CSMD2: variants seen among roughly 807,000 people sequenced by gnomAD.
CSMD2 encodes CUB and Sushi multiple domains 2, also known as CUB and sushi domain-containing protein 2.
CSMD2 carries 130 observed loss-of-function variants against 398.5 expected under a neutral mutation model. The ratio of observed to expected loss-of-function variants is 0.33; its 90% confidence interval spans 0.28 to 0.38. The LOEUF (loss-of-function observed/expected upper bound fraction) is 0.38. Among genes scored for constraint, CSMD2 ranks in the 10% least tolerant of loss-of-function variants. CSMD2 has a pLI of 1.00. For synonymous variants in CSMD2, 1,828 were observed against 1,908.5 expected (o/e 0.96, Z 1.10); for missense variants, 3,829 against 4,764.9 (o/e 0.80, Z 5.78).
chr1:33,768,569 TGTGTGTG>T (rs1650851663), intron 13 of CSMD2, among the ~76,000 whole-genome samples: 1 of 145,358 alleles, frequency 6.9e-6, no homozygotes, highest in Non-Finnish European at 1.5e-5. Flanking sequence ...TGTGTGTGTG[TGTGTGTG>T]TGTCACCAGA....
intron 2 of CSMD2, among the ~76,000 whole-genome samples, chr1:34,087,716 ACATGTTAGATATTTCCATGCCTGCCTCC>A (rs1166671511): frequency 6.6e-6 from 1 of 151,920 alleles, no homozygotes; most frequent in Non-Finnish European, 1.5e-5. Flanking sequence ...ATAGGACCAG[ACATGTTAGATATTTCCATGCCTGCCTCC>A]CCATTAGCAT....
intron 5 of CSMD2, among the ~76,000 whole-genome samples, chr1:33,876,468 A>G (rs1014278194): frequency 6.6e-6 from 1 of 152,234 alleles, no homozygotes; most frequent in Non-Finnish European, 1.5e-5. Flanking sequence ...AAGACATGGC[A>G]TAAAGAACTT....
At chr1:33,615,418 C>T (rs932393554) in intron 39 of CSMD2, among the ~76,000 whole-genome samples, 4 of 152,172 alleles carry the variant, frequency 2.6e-5, no homozygotes, top group Non-Finnish European at 5.9e-5. Context: ...CAGGTCCAGG[C>T]AAGTGCTTTC....
rs572648833 is a variant in CSMD2 at position 33,704,785 on chromosome 1, G to A, written c.3577-4112C>T. 9.2e-5 allele frequency among the ~76,000 whole-genome samples: 14 copies of A among 152,168 alleles called. No homozygotes were observed. The South Asian group carries it at 1.5e-3, about 16-fold the overall frequency. Reference sequence around the variant, plus strand: ...TGTTTGCTTGTTTGTTTTTTGAGACGGAGTCTCTCTCTGTCACCCAGGCTG... The same window carrying A: ...TGTTTGCTTGTTTGTTTTTTGAGACAGAGTCTCTCTCTGTCACCCAGGCTG... On this transcript the variant is annotated intron_variant, in intron 22 of 70. Transcript: ENST00000373381.
At position 33,633,682 on chromosome 1, in the gene CSMD2, A is replaced by G. The variant is rs1642612048; in HGVS notation, c.5087-147T>C. The G allele has an allele frequency of 2.4e-5, 15 of 630,796 alleles. No homozygotes were observed. The East Asian group carries it at 3.6e-4, about 15-fold the overall frequency. The allele number at this position is 630,796 out of a possible 1,614,324, so 39.1% of individuals were successfully genotyped here. A position where few individuals can be genotyped will look rare whatever the true frequency, so the allele number is the denominator to read the frequency against. On this transcript the variant is annotated intron_variant, in intron 31 of 70. Transcript: ENST00000373381. The surrounding 1 kb of genome is among the most constrained non-coding windows in gnomAD (Gnocchi z 5.0). ...TGTGGCTTGCTGCACTGGTTAGTGC[A>G]GTGGCACAGTCTGGCAGTGGCCAGA...
chr1:34,074,032 A>C (rs1656041291), intron 2 of CSMD2, among the ~76,000 whole-genome samples: 1 of 152,226 alleles, frequency 6.6e-6, no homozygotes, highest in South Asian at 2.1e-4. Flanking sequence ...AGATCTCATG[A>C]GAACTCACTC....
chr1:33,693,086 A>C (rs781463310), intron 24 of CSMD2, 30 bp from the exon 25 acceptor site: 2 of 1,573,514 alleles, frequency 1.3e-6, no homozygotes, highest in African/African-American at 1.4e-5. Flanking sequence ...AGTGAGCTTC[A>C]TGGGGTGGCC....
At chr1:33,688,869 T>G (rs2149087584) in intron 25 of CSMD2, among the ~76,000 whole-genome samples, 1 of 152,268 alleles carries the variant, frequency 6.6e-6, no homozygotes, top group East Asian at 1.9e-4. Flanking sequence ...TCTATAAAGA[T>G]ATTTCTAATA....
At chr1:33,955,236 T>C (rs960619440) in intron 3 of CSMD2, among the ~76,000 whole-genome samples, 15 of 152,172 alleles carry the variant, frequency 9.9e-5, no homozygotes, top group Admixed American at 3.3e-4. Flanking sequence ...TTTTGTTTTA[T>C]CTTATTTTCC....
intron 10 of CSMD2, among the ~76,000 whole-genome samples, chr1:33,806,518 A>AC (rs1656247887): frequency 6.6e-6 from 1 of 152,244 alleles, no homozygotes; most frequent in African/African-American, 2.4e-5. Context: ...ATCAAACAAT[A>AC]TAAAACAAAG....
chr1:33,726,695 C>A lies in CSMD2; in HGVS notation c.2369-10G>T, dbSNP rs570402738. On this transcript the variant is annotated splice_polypyrimidine_tract_variant and intron_variant, in intron 15 of 70. Transcript: ENST00000373381. ...TGACCACCACAGGGAGCTGGGGGGA[C>A]AGAAGGAAGAGAGGCAGCTTTCTTC... is the stretch of plus-strand genomic sequence containing the variant. The A allele has an allele frequency of 4.4e-6, 7 of 1,603,436 alleles. No homozygotes were observed. The African/African-American group carries it at 9.4e-5, about 21-fold the overall frequency.
rs1646095247 is a variant in CSMD2, at chr1:33,979,692, G to A, written c.518-43738C>T. Among the ~76,000 whole-genome samples, 3 of 140,320 alleles carry A rather than the reference G, an allele frequency of 2.1e-5. No homozygotes were observed. In the South Asian group the frequency reaches 6.6e-4, roughly 31 times the overall value. The allele number at this position is 140,320 out of a possible 152,430, so 92.1% of individuals were successfully genotyped here. On this transcript the variant is annotated intron_variant, in intron 3 of 70. Coordinates refer to ENST00000373381, the MANE Select transcript of CSMD2 (RefSeq NM_001281956.2). ...GCCTTCACTGGAAAAGCTTGTGTGT[G>A]TTTTATGTGTGTGTGTGTACTTTTG... is the stretch of plus-strand genomic sequence containing the variant.
intron 5 of CSMD2, among the ~76,000 whole-genome samples, chr1:33,848,781 T>C (rs1185150121): frequency 3.3e-5 from 5 of 151,382 alleles, no homozygotes; most frequent in African/African-American, 1.2e-4. Flanking sequence ...GTCATTTAAG[T>C]TTTCTAAGGA....
intron 50 of CSMD2, 88 bp from the exon 51 acceptor site, chr1:33,571,814 C>A: frequency 1.0e-6 from 1 of 978,972 alleles, no homozygotes; most frequent in Non-Finnish European, 1.4e-6. Context: ...GACTTGGAGA[C>A]CTTAATGCAA....
intron 12 of CSMD2, among the ~76,000 whole-genome samples, chr1:33,773,139 A>G (rs571574138): frequency 6.6e-6 from 1 of 152,314 alleles, no homozygotes; most frequent in South Asian, 2.1e-4. Context: ...ACAGCATTAG[A>G]AGTCTTTGGA....
At position 34,124,241 on chromosome 1, in the gene CSMD2, G is replaced by C. The variant is rs536360481; in HGVS notation, c.188-35048C>G. 7.9e-5 allele frequency among the ~76,000 whole-genome samples: 12 copies of C among 152,262 alleles called. No homozygotes were observed. In the East Asian group the frequency reaches 2.3e-3, roughly 29 times the overall value. On this transcript the variant is annotated intron_variant, in intron 1 of 70. Transcript: ENST00000373381. ...CAGCACACATATATTGATGCTTCCT[G>C]CCAGTGAGGCTTGTTCTGTGAGCTG...
rs115233712 is a variant in CSMD2 at position 33,730,688 on chromosome 1, T to C, written c.2369-4003A>G. On this transcript the variant is annotated intron_variant, in intron 15 of 70. Transcript: ENST00000373381. Reference sequence around the variant, plus strand: ...TTGGTAGCCATTGGTATTACTACTTTGGGACTCTTAGGCATGTCCTATGAA... The same window carrying C: ...TTGGTAGCCATTGGTATTACTACTTCGGGACTCTTAGGCATGTCCTATGAA... Among the ~76,000 whole-genome samples, 816 of 152,218 alleles carry C rather than the reference T, an allele frequency of 5.4e-3. 8 individuals are homozygous for C. Among genetic ancestry groups the C allele is most frequent in the African/African-American group, 0.019 (785 of 41,560 alleles).
At chr1:33,807,508 G>T (rs1471788837) in intron 10 of CSMD2, among the ~76,000 whole-genome samples, 2 of 152,092 alleles carry the variant, frequency 1.3e-5, no homozygotes, top group African/African-American at 4.8e-5. Flanking sequence ...CCAAAGAGAA[G>T]GACTGATATA....
intron 2 of CSMD2, among the ~76,000 whole-genome samples, chr1:34,044,673 G>A (rs1294923649): frequency 6.6e-6 from 1 of 152,130 alleles, no homozygotes; most frequent in Non-Finnish European, 1.5e-5. Flanking sequence ...TTCCGAGGGT[G>A]ATCTATGCAT....
Sources: allele counts gnomAD v4.1 joint callset (sites outside exome capture counted in the v4.1 genomes callset), GRCh38; gene constraint gnomAD v4.1.1; non-coding constraint Gnocchi (gnomAD v3.1); transcripts MANE v1.5; gene names NCBI Gene and HGNC (gene_info 2026-07-23, HGNC 2026-07-21).